Variants in NAPG observed in about 807,000 individuals in gnomAD.
The protein encoded by NAPG is NSF attachment protein gamma.
NAPG carries 25 observed loss-of-function variants against 48.4 expected under a neutral mutation model. The observed-to-expected ratio is 0.52, with a 90% CI of 0.38 to 0.72. The LOEUF is 0.72. NAPG is among the 30% of genes least tolerant of loss of function. The pLI is 0.00. For synonymous variants in NAPG, 139 were observed against 127.2 expected, an observed-to-expected ratio of 1.09 and a Z score of -0.62; for missense variants, 359 against 372.5, an observed-to-expected ratio of 0.96 and a Z score of 0.30.
At chr18:10,538,492 T>C (rs1318683466) in intron 5 of NAPG, among the ~76,000 whole-genome samples, 2 of 152,232 alleles carry the variant, frequency 1.3e-5, no homozygotes, top group Non-Finnish European at 2.9e-5. Context: ...GATAGAGTCA[T>C]TGGGCTGCCA....
intron 5 of NAPG, among the ~76,000 whole-genome samples, chr18:10,537,094 C>A (rs555802568): frequency 6.6e-6 from 1 of 151,938 alleles, no homozygotes; most frequent in Non-Finnish European, 1.5e-5. Flanking sequence ...GTAGCTGGGA[C>A]TATAGGTGCA....
At chr18:10,530,237 TC>T (rs2031902878) in intron 1 of NAPG, among the ~76,000 whole-genome samples, 1 of 143,840 alleles carries the variant, frequency 7.0e-6, no homozygotes, top group Non-Finnish European at 1.5e-5. Flanking sequence ...CTCTGTTGTT[TC>T]ACTGAATGAT....
In NAPG at chr18:10,546,445, G is replaced by A. The variant is rs1282068675; in HGVS notation, c.585+41G>A. 3 of 1,180,034 alleles carry A rather than the reference G, an allele frequency of 2.5e-6. No individual in the cohort carries two copies. In the African/African-American group the frequency reaches 4.7e-5, roughly 18 times the overall value. The allele number at this position is 1,180,034 out of a possible 1,614,324, so 73.1% of individuals were successfully genotyped here. A position where few individuals can be genotyped will look rare whatever the true frequency, so the allele number is the denominator to read the frequency against. ...GTTTGTTTTTGGTATTACATTAGATGATTTTTTATACTGGTATGAATAAGT... is the reference window on the plus strand; with the variant it reads ...GTTTGTTTTTGGTATTACATTAGATAATTTTTTATACTGGTATGAATAAGT... On this transcript the variant is annotated intron_variant, in intron 9 of 11. Transcript: ENST00000322897. This position sits in a 1 kb window ranked among gnomAD's most constrained non-coding sequence, Gnocchi z 4.0.
rs2032327929 is a variant in NAPG, at chr18:10,549,008, A to G, written c.707A>G (p.Glu236Gly). 6.2e-7 allele frequency: 1 copy of G among 1,613,828 alleles called. No homozygotes were observed. The highest frequency in any genetic ancestry group is 1.3e-5 in the African/African-American group (1 of 74,910). The change falls in exon 11 of 12, where the codon GAA becomes GGA. Residue 236 changes from glutamate (E) to glycine (G), a missense_variant. Physicochemically the swap from Glu to Gly is moderately conservative, Grantham distance 98. Transcript: ENST00000322897. ...GGCAGTGAAGACTGTGCTGCCCTGG[A>G]ACAGCTTCTTGAAGGTTATGACCAG... is the stretch of plus-strand genomic sequence containing the variant. ...FNGSEDCAAL[E>G]QLLEGYDQQD...
chr18:10,552,446 A>G lies in NAPG; in HGVS notation c.*2226A>G, dbSNP rs1365446962. On this transcript the variant is annotated 3_prime_UTR_variant, in exon 12 of 12. Coordinates refer to ENST00000322897, the MANE Select transcript of NAPG (RefSeq NM_003826.3). The stretch of plus-strand genomic sequence containing the variant: ...TCTTGAGAGCATAGTCCAAAGTGCA[A>G]AACTTGGTGTTTACAAGGAAAATTG... 6.6e-6 allele frequency: 1 copy of G among 152,228 alleles called. No individual in the cohort carries two copies. Among genetic ancestry groups the G allele is most frequent in the Non-Finnish European group, 1.5e-5 (1 of 68,048 alleles). The allele number at this position is 152,228 out of a possible 1,614,324, so 9.4% of individuals were successfully genotyped here.
chr18:10,547,666 A>G (rs931154609), intron 9 of NAPG, among the ~76,000 whole-genome samples: 22 of 152,340 alleles, frequency 1.4e-4, no homozygotes, highest in Non-Finnish European at 2.2e-4. Context: ...GACAGAAGGA[A>G]GACTTTGTGA....
intron 1 of NAPG, 77 bp downstream of exon 1, chr18:10,526,235 GGGGC>G: frequency 2.3e-6 from 2 of 878,444 alleles, no homozygotes; most frequent in East Asian, 3.2e-5. Flanking sequence ...GCACCCGGGG[GGGGC>G]GGGAGGGAGG....
intron 1 of NAPG, among the ~76,000 whole-genome samples, chr18:10,528,056 C>T (rs543422812): frequency 1.3e-5 from 2 of 152,154 alleles, no homozygotes; most frequent in South Asian, 2.1e-4. Flanking sequence ...TGTGGTGGCG[C>T]GCACCTGTAA....
At position 10,544,649 on chromosome 18, in the gene NAPG, C is replaced by T. The variant is rs1156737008; in HGVS notation, c.507-1677C>T. Among the ~76,000 whole-genome samples the T allele has an allele frequency of 1.3e-5, 2 of 152,156 alleles. No individual in the cohort carries two copies. The highest frequency in any genetic ancestry group is 1.9e-4 in the East Asian group (1 of 5,190). On this transcript the variant is annotated intron_variant, in intron 8 of 11. Transcript: ENST00000322897. This position sits in a 1 kb window ranked among gnomAD's most constrained non-coding sequence, Gnocchi z 5.1. ...AGTCAGGCCCACACAGACAGTGATT[C>T]ACTCGAAGTCAGCTGATTTGTGTCC...
chr18:10,530,711 G>T, intron 1 of NAPG, 59 bp from the exon 2 acceptor site: 4 of 1,025,390 alleles, frequency 3.9e-6, no homozygotes, highest in Non-Finnish European at 5.4e-6. Flanking sequence ...ATTACAAGCA[G>T]AGATCTGACT....
intron 9 of NAPG, among the ~76,000 whole-genome samples, chr18:10,547,896 T>G (rs1294786128): frequency 6.6e-6 from 1 of 151,516 alleles, no homozygotes; most frequent in African/African-American, 2.4e-5. Flanking sequence ...CTAAGTATCA[T>G]TGTGGTGTTA....
chr18:10,548,827 C>G lies in NAPG; in HGVS notation c.666-140C>G. Reference sequence around the variant, plus strand: ...TAGCGGGATCCCCGGTCTCTGCCCTCTAGATGCCACTAGCATTCCCACACT... The same window carrying G: ...TAGCGGGATCCCCGGTCTCTGCCCTGTAGATGCCACTAGCATTCCCACACT... On this transcript the variant is annotated intron_variant, in intron 10 of 11. Coordinates refer to ENST00000322897, the MANE Select transcript of NAPG (RefSeq NM_003826.3). The surrounding 1 kb of genome is among the most constrained non-coding windows in gnomAD (Gnocchi z 4.4). 1 of 1,062,180 alleles carries G rather than the reference C, an allele frequency of 9.4e-7. No homozygotes were observed. Among genetic ancestry groups the G allele is most frequent in the Non-Finnish European group, 1.3e-6 (1 of 750,436 alleles). The allele number at this position is 1,062,180 out of a possible 1,614,324, so 65.8% of individuals were successfully genotyped here. A position where few individuals can be genotyped will look rare whatever the true frequency, so the allele number is the denominator to read the frequency against.
Position 10,534,400 on chromosome 18 carries a change from C to T in NAPG, c.228-66C>T. On this transcript the variant is annotated intron_variant, in intron 4 of 11. Transcript: ENST00000322897. This position sits in a 1 kb window ranked among gnomAD's most constrained non-coding sequence, Gnocchi z 5.0. ...CACTTTCCTTACCAGTAGTTCCTCACCAGAAAGTTTCTTCTACCCCTTATT... is the reference window on the plus strand; with the variant it reads ...CACTTTCCTTACCAGTAGTTCCTCATCAGAAAGTTTCTTCTACCCCTTATT... 2 of 1,438,924 alleles carry T rather than the reference C, an allele frequency of 1.4e-6. No homozygotes were observed. Among genetic ancestry groups the T allele is most frequent in the East Asian group, 2.3e-5 (1 of 43,888 alleles). 89.1% of individuals were successfully genotyped at this position (1,438,924 alleles called of 1,614,324 possible).
chr18:10,544,267 A>G lies in NAPG; in HGVS notation c.507-2059A>G, dbSNP rs2063173113. Among the ~76,000 whole-genome samples, 1 of 152,240 alleles carries G rather than the reference A, an allele frequency of 6.6e-6. No homozygotes were observed. The highest frequency in any genetic ancestry group is 6.5e-5 in the Admixed American group (1 of 15,288). On this transcript the variant is annotated intron_variant, in intron 8 of 11. Coordinates refer to ENST00000322897, the MANE Select transcript of NAPG (RefSeq NM_003826.3). This position sits in a 1 kb window ranked among gnomAD's most constrained non-coding sequence, Gnocchi z 5.1. Reference sequence around the variant, plus strand: ...TAAAACAGTACTCACTGATTAGCTCACAGTTTCATGAGGCCAGAAGTCTGG... The same window carrying G: ...TAAAACAGTACTCACTGATTAGCTCGCAGTTTCATGAGGCCAGAAGTCTGG...
chr18:10,528,818 A>G (rs2031871303), intron 1 of NAPG, among the ~76,000 whole-genome samples: 1 of 152,062 alleles, frequency 6.6e-6, no homozygotes, highest in Admixed American at 6.5e-5. Flanking sequence ...GTTAGTTTGA[A>G]ATGCTGCTAG....
At position 10,548,129 on chromosome 18, in the gene NAPG, C is replaced by G. The variant is rs1176592436; in HGVS notation, c.586-170C>G. Reference sequence around the variant, plus strand: ...ACATGAGAATTGGAAAAGTACTGTTCTAGGATATTTCCCCTCAGGTGTCCC... The same window carrying G: ...ACATGAGAATTGGAAAAGTACTGTTGTAGGATATTTCCCCTCAGGTGTCCC... On this transcript the variant is annotated intron_variant, in intron 9 of 11. Coordinates refer to ENST00000322897, the MANE Select transcript of NAPG (RefSeq NM_003826.3). The surrounding 1 kb of genome is among the most constrained non-coding windows in gnomAD (Gnocchi z 4.4). 6.6e-6 allele frequency among the ~76,000 whole-genome samples: 1 copy of G among 152,170 alleles called. No homozygotes were observed. Among genetic ancestry groups the G allele is most frequent in the Non-Finnish European group, 1.5e-5 (1 of 68,030 alleles).
chr18:10,545,154 A>G (rs2032236573), intron 8 of NAPG, among the ~76,000 whole-genome samples: 1 of 152,106 alleles, frequency 6.6e-6, no homozygotes, highest in Non-Finnish European at 1.5e-5. Flanking sequence ...TCTATTAAAA[A>G]TACAGAAATT....
intron 5 of NAPG, among the ~76,000 whole-genome samples, chr18:10,536,499 G>T (rs1396688868): frequency 6.6e-6 from 1 of 152,172 alleles, no homozygotes; most frequent in African/African-American, 2.4e-5. Context: ...TTCATATCCT[G>T]TTTGCTCCAC....
intron 5 of NAPG, among the ~76,000 whole-genome samples, chr18:10,536,002 G>T (rs2032024575): frequency 6.6e-6 from 1 of 152,154 alleles, no homozygotes; most frequent in East Asian, 1.9e-4. Context: ...GAATTAGGAA[G>T]CTCCCAGGTG....
Sources: gnomAD v4.1 joint callset for allele counts (sites outside exome capture counted in the v4.1 genomes callset) on GRCh38, gnomAD v4.1.1 for gene constraint, Gnocchi (gnomAD v3.1) non-coding constraint, MANE v1.5 for transcripts, NCBI Gene and HGNC (gene_info 2026-07-23, HGNC 2026-07-21) for gene names.